FAM234B: variants seen among roughly 807,000 people sequenced by gnomAD.
FAM234B encodes the protein protein FAM234B.
In FAM234B, 33 loss-of-function variants were observed where a neutral mutation model predicts 69.3. The observed-to-expected ratio is 0.48, with a 90% CI of 0.36 to 0.64. The LOEUF (loss-of-function observed/expected upper bound fraction) is 0.64, where lower values mean the gene tolerates loss of function less well. FAM234B is among the 30% of genes least tolerant of loss of function. FAM234B has a pLI of 0.00. For missense variants in FAM234B, 697 were observed against 769.7 expected (o/e 0.91, Z 1.12); for synonymous variants, 306 against 306.9 (o/e 1.00, Z 0.03).
chr12:13,065,112 G>C (rs1177464096), intron 5 of FAM234B, among the ~76,000 whole-genome samples: 1 of 152,156 alleles, frequency 6.6e-6, no homozygotes, highest in African/African-American at 2.4e-5. Context: ...TTTTGGGCCA[G>C]CTCCAGAAAA....
At chr12:13,069,603 G>A (rs533660368) in intron 9 of FAM234B, among the ~76,000 whole-genome samples, 2 of 152,182 alleles carry the variant, frequency 1.3e-5, no homozygotes, top group South Asian at 4.1e-4. Flanking sequence ...GAGTGCAGGC[G>A]AGCTGGAGGG....
intron 10 of FAM234B, among the ~76,000 whole-genome samples, chr12:13,072,244 C>T (rs924978620): frequency 1.2e-4 from 18 of 152,122 alleles, no homozygotes; most frequent in Admixed American, 6.5e-5. Flanking sequence ...TATCTTTATC[C>T]ATTAATGGTT....
At chr12:13,046,762 A>G (rs1864817329) in intron 1 of FAM234B, among the ~76,000 whole-genome samples, 1 of 152,162 alleles carries the variant, frequency 6.6e-6, no homozygotes, top group African/African-American at 2.4e-5. Flanking sequence ...TCTGGCCCCA[A>G]CATCCCCACT....
At chr12:13,079,426 C>T (rs1187746928) in intron 11 of FAM234B, among the ~76,000 whole-genome samples, 1 of 152,170 alleles carries the variant, frequency 6.6e-6, no homozygotes, top group Non-Finnish European at 1.5e-5. Context: ...CAAGGTAAAT[C>T]GCCTCTGTGA....
At chr12:13,070,782 G>A (rs1207480607) in intron 9 of FAM234B, among the ~76,000 whole-genome samples, 2 of 152,052 alleles carry the variant, frequency 1.3e-5, no homozygotes, top group Non-Finnish European at 2.9e-5. Context: ...GGAACACCGT[G>A]CCCCAGGACA....
Position 13,044,526 on chromosome 12 carries a change from G to A in FAM234B, c.37+86G>A. 6.9e-7 allele frequency: 1 copy of A among 1,449,212 alleles called. No individual in the cohort carries two copies. Among genetic ancestry groups the A allele is most frequent in the South Asian group, 1.2e-5 (1 of 81,032 alleles). 89.8% of individuals were successfully genotyped at this position (1,449,212 alleles called of 1,614,324 possible). On this transcript the variant is annotated intron_variant, in intron 1 of 12. Coordinates refer to ENST00000197268, the MANE Select transcript of FAM234B (RefSeq NM_020853.2). This position sits in a 1 kb window ranked among gnomAD's most constrained non-coding sequence, Gnocchi z 5.6. ...AGGCTCTGGGGGCGAGGCCGGTCGG[G>A]CCCTGGCCTCAACCCAGACTCAGCT...
At chr12:13,062,682 T>C (rs11055220) in intron 4 of FAM234B, 163 bp from the exon 5 acceptor site, 126,137 of 608,558 alleles carry the variant, frequency 0.21, 16,434 homozygotes, top group East Asian at 0.49. Flanking sequence ...ACTGCCTGCT[T>C]CCTCCTCCTC....
chr12:13,063,179 C>T (rs886558527), intron 5 of FAM234B, among the ~76,000 whole-genome samples: 1 of 152,188 alleles, frequency 6.6e-6, no homozygotes, highest in Non-Finnish European at 1.5e-5. Flanking sequence ...GCTCCATGGA[C>T]TGGGGTGTAG....
intron 12 of FAM234B, 28 bp from the exon 13 acceptor site, chr12:13,080,597 T>C: frequency 6.3e-7 from 1 of 1,591,542 alleles, no homozygotes; most frequent in Non-Finnish European, 8.6e-7. Flanking sequence ...TGAAAAACAA[T>C]AAAGTCACGA....
chr12:13,075,433 CT>C lies in FAM234B; in HGVS notation c.1525-578del, dbSNP rs59012504. Among the ~76,000 whole-genome samples the C allele has an allele frequency of 4.2e-3, 577 of 137,454 alleles. 3 individuals are homozygous for C. Among genetic ancestry groups the C allele is most frequent in the African/African-American group, 9.0e-3 (330 of 36,810 alleles). 90.2% of individuals were successfully genotyped at this position (137,454 alleles called of 152,430 possible). ...TGTACATTGCCTTTTCTTTTCTTTTCTTTTTTTTTTTTTTTATTTTTTGAGA... is the reference window on the plus strand; with the variant it reads ...TGTACATTGCCTTTTCTTTTCTTTTCTTTTTTTTTTTTTTATTTTTTGAGA... On this transcript the variant is annotated intron_variant, in intron 10 of 12. Coordinates refer to ENST00000197268, the MANE Select transcript of FAM234B (RefSeq NM_020853.2).
rs1454208820 is a variant in FAM234B, at chr12:13,081,218, A to G, written c.*588A>G. On this transcript the variant is annotated 3_prime_UTR_variant, in exon 13 of 13. Coordinates refer to ENST00000197268, the MANE Select transcript of FAM234B (RefSeq NM_020853.2). ...TGTAGACAGAATGAGAAAGATTTAT[A>G]GTGGAAGACTGAGTTAGCCATCCAA... The G allele has an allele frequency of 3.9e-5, 6 of 152,378 alleles. No homozygotes were observed. The East Asian group carries it at 9.7e-4, about 25-fold the overall frequency. The allele number at this position is 152,378 out of a possible 1,614,324, so 9.4% of individuals were successfully genotyped here.
chr12:13,079,866 G>T lies in FAM234B; in HGVS notation c.1720G>T (p.Ala574Ser), dbSNP rs764617045. The stretch of plus-strand genomic sequence containing the variant: ...GCCAAGCTCCGAAGGCCATCCAGCA[G>T]CCCTGGTGGTCAGCAAGCTTAGTCT... ...TGPSSEGHPAALVVSKLSLRW... is the reference protein window; with the variant it reads ...TGPSSEGHPASLVVSKLSLRW... The change falls in exon 12 of 13, where the codon GCC becomes TCC. Residue 574 changes from alanine (A) to serine (S), a missense_variant. Transcript: ENST00000197268. 11 of 1,614,122 alleles carry T rather than the reference G, an allele frequency of 6.8e-6. 1 individual carries two copies. In the South Asian group the frequency reaches 9.9e-5, roughly 15 times the overall value.
intron 1 of FAM234B, among the ~76,000 whole-genome samples, chr12:13,053,080 G>T (rs1864892505): frequency 6.6e-6 from 1 of 152,068 alleles, no homozygotes; most frequent in African/African-American, 2.4e-5. Context: ...GTACTATTTT[G>T]AATTAAGTTT....
chr12:13,075,636 G>A (rs1284364236), intron 10 of FAM234B, among the ~76,000 whole-genome samples: 4 of 133,384 alleles, frequency 3.0e-5, no homozygotes, highest in South Asian at 2.3e-4. Context: ...TTGTATTTTC[G>A]GTAGGGACAG....
At position 13,067,163 on chromosome 12, in the gene FAM234B, CAAG is replaced by C; in HGVS notation, c.1010_1012del (p.Gln337_Ala338delinsPro). The C allele has an allele frequency of 6.2e-7, 1 of 1,613,970 alleles. No individual in the cohort carries two copies. Among genetic ancestry groups the C allele is most frequent in the South Asian group, 1.1e-5 (1 of 91,072 alleles). On this transcript the variant is annotated inframe_deletion, in exon 7 of 13. Coordinates refer to ENST00000197268, the MANE Select transcript of FAM234B (RefSeq NM_020853.2). The surrounding 1 kb of genome is among the most constrained non-coding windows in gnomAD (Gnocchi z 4.7). Reference sequence around the variant, plus strand: ...TTCTTCTGTGGTGCTAGGAAATATACAAGCTGTCGCACTGCGGGACATTTTTGT... The same window carrying C: ...TTCTTCTGTGGTGCTAGGAAATATACCTGTCGCACTGCGGGACATTTTTGT...
At chr12:13,056,222 C>T (rs1864929588) in intron 2 of FAM234B, among the ~76,000 whole-genome samples, 1 of 152,062 alleles carries the variant, frequency 6.6e-6, no homozygotes, top group African/African-American at 2.4e-5. Flanking sequence ...GCTGTGGAGC[C>T]AGCACTGTAT....
At chr12:13,063,504 T>G (rs1258773329) in intron 5 of FAM234B, among the ~76,000 whole-genome samples, 1 of 152,182 alleles carries the variant, frequency 6.6e-6, no homozygotes, top group Non-Finnish European at 1.5e-5. Context: ...GGAAAAAATC[T>G]AAGTCAAGCA....
intron 11 of FAM234B, among the ~76,000 whole-genome samples, chr12:13,076,867 A>C (rs565665904): frequency 2.6e-4 from 39 of 152,352 alleles, no homozygotes; most frequent in African/African-American, 8.9e-4. Flanking sequence ...TCCTTCCCTC[A>C]TGGAATCTGC....
Position 13,076,033 on chromosome 12 carries a change from T to A in FAM234B, c.1532T>A (p.Ile511Asn), listed in dbSNP as rs1398143099. 1.9e-6 allele frequency: 3 copies of A among 1,612,590 alleles called. No homozygotes were observed. The African/African-American group carries it at 4.0e-5, about 22-fold the overall frequency. Residue 511 changes from isoleucine (I) to asparagine (N), a missense_variant, in exon 11 of 13, where the codon ATC (isoleucine) becomes AAC (asparagine). This residue lies in a region of FAM234B where 313 missense variants were observed against 305.5 expected (regional missense o/e 1.02). Transcript: ENST00000197268. Reference sequence around the variant, plus strand: ...TTTGCTGCTTATTATCAGGATATCATCCTAGGAACTGAGCCGCCCAGCCTT... The same window carrying A: ...TTTGCTGCTTATTATCAGGATATCAACCTAGGAACTGAGCCGCCCAGCCTT... ...LSAASPNSDI[I>N]LGTEPPSLHH...
Sources: gnomAD v4.1 joint callset for allele counts (sites outside exome capture counted in the v4.1 genomes callset) on GRCh38, gnomAD v4.1.1 for gene constraint, gnomAD v4.1.1 regional missense constraint, Gnocchi (gnomAD v3.1) non-coding constraint, MANE v1.5 for transcripts, NCBI Gene and HGNC (gene_info 2026-07-23, HGNC 2026-07-21) for gene names.